The following EIF2S2 variants were observed in gnomAD, a reference collection of about 807,000 sequenced individuals.
EIF2S2 encodes eukaryotic translation initiation factor 2 subunit beta, also known as eukaryotic translation initiation factor 2 subunit 2.
In EIF2S2, 4 loss-of-function variants were observed where a neutral mutation model predicts 44.0. That is an observed-to-expected ratio of 0.09 (90% CI 0.04 to 0.21). The LOEUF is 0.21. EIF2S2 is among the 10% of genes least tolerant of loss of function. EIF2S2 has a pLI of 1.00. For missense variants in EIF2S2, 154 were observed against 392.0 expected (o/e 0.39, Z 5.13); for synonymous variants, 108 against 128.3 (o/e 0.84, Z 1.07).
chr20:34,097,350 T>G, intron 5 of EIF2S2, 66 bp downstream of exon 5: 1 of 1,363,876 alleles, frequency 7.3e-7, no homozygotes, highest in African/African-American at 1.4e-5. Flanking sequence ...CCAATAAGAT[T>G]TATCTTGCTC....
chr20:34,109,622 C>T lies in EIF2S2; in HGVS notation c.15+2474G>A, dbSNP rs965968281. Among the ~76,000 whole-genome samples, 24 of 151,718 alleles carry T rather than the reference C, an allele frequency of 1.6e-4. No homozygotes were observed. In the East Asian group the frequency reaches 2.7e-3, roughly 17 times the overall value. On this transcript the variant is annotated intron_variant, in intron 1 of 8. Transcript: ENST00000374980. ...CCACAGTGAGCTATGATTGTGCCAC[C>T]GCACTCCAGCCTGGGAAACAAGAGC...
In EIF2S2 at chr20:34,098,538, A is replaced by G; in HGVS notation, c.393T>C (p.Val131=). The G allele has an allele frequency of 6.2e-7, 1 of 1,613,994 alleles. No individual in the cohort carries two copies. The highest frequency in any genetic ancestry group is 1.3e-5 in the African/African-American group (1 of 75,050). ...GTATTTCATCCTCATCTGGGAACTT[A>G]ACATTCTTCTTTTTCTTCTTTTTAT... The part of the protein sequence containing the change: ...LGNKKKKKKN[V]KFPDEDEILE... The change falls in exon 4 of 9, where the codon GTT becomes GTC. Residue 131 remains valine, a synonymous_variant. Coordinates refer to ENST00000374980, the MANE Select transcript of EIF2S2 (RefSeq NM_003908.5).
intron 7 of EIF2S2, among the ~76,000 whole-genome samples, chr20:34,093,180 G>A (rs1053662368): frequency 6.6e-6 from 1 of 152,172 alleles, no homozygotes; most frequent in African/African-American, 2.4e-5. Context: ...TGGCCTTCCT[G>A]AATGGGAATG....
At chr20:34,110,636 C>G (rs2034402147) in intron 1 of EIF2S2, among the ~76,000 whole-genome samples, 1 of 152,192 alleles carries the variant, frequency 6.6e-6, no homozygotes, top group Admixed American at 6.5e-5. Context: ...AAAGCCTAAT[C>G]CCACTGATCC....
In EIF2S2 at chr20:34,096,659, T is replaced by C. The variant is rs375251283; in HGVS notation, c.681A>G (p.Lys227=). ...TSFVNFTDIC[K]LLHRQPKHLL... ...AGGTACTCCATTAACCAACTTACAGTTTACAGATATCTGTAAAGTTGACAA... is the reference window on the plus strand; with the variant it reads ...AGGTACTCCATTAACCAACTTACAGCTTACAGATATCTGTAAAGTTGACAA... Residue 227 remains lysine, a splice_region_variant and synonymous_variant, in exon 6 of 9, where the codon AAA becomes AAG. Transcript: ENST00000374980. The C allele has an allele frequency of 1.9e-6, 3 of 1,596,704 alleles. No homozygotes were observed. In the African/African-American group the frequency reaches 4.1e-5, roughly 22 times the overall value.
At position 34,112,166 on chromosome 20, in the gene EIF2S2, GC is replaced by G; in HGVS notation, c.-57del. 4.7e-6 allele frequency: 7 copies of G among 1,499,306 alleles called. No homozygotes were observed. Among genetic ancestry groups the G allele is most frequent in the South Asian group, 1.3e-5 (1 of 79,838 alleles). 92.9% of individuals were successfully genotyped at this position (1,499,306 alleles called of 1,614,324 possible). Reference sequence around the variant, plus strand: ...GGGAAGTCAGACGGGTCAGCCCCAGGCCCCGGCGGCAGCGCTGCCCCTGCCG... The same window carrying G: ...GGGAAGTCAGACGGGTCAGCCCCAGGCCCGGCGGCAGCGCTGCCCCTGCCG... On this transcript the variant is annotated 5_prime_UTR_variant, in exon 1 of 9. Transcript: ENST00000374980.
In EIF2S2 at chr20:34,098,601, T is replaced by C. The variant is rs377670413; in HGVS notation, c.330A>G (p.Pro110=). Residue 110 remains proline (P), a synonymous_variant, in exon 4 of 9, where the codon CCA becomes CCG. Coordinates refer to ENST00000374980, the MANE Select transcript of EIF2S2 (RefSeq NM_003908.5). ...DLKIESDVQE[P]TEPEDDLDIM... ...TGTCAAGGTCATCCTCTGGTTCAGT[T>C]GGTTCTTGAACATCACTTTCAATCT... The C allele has an allele frequency of 9.9e-6, 16 of 1,613,890 alleles. No individual in the cohort carries two copies. In the African/African-American group the frequency reaches 1.1e-4, roughly 11 times the overall value.
chr20:34,097,562 A>G, intron 4 of EIF2S2, 46 bp from the exon 5 acceptor site: 3 of 1,502,630 alleles, frequency 2.0e-6, no homozygotes, highest in Non-Finnish European at 2.7e-6. Flanking sequence ...GCCCTACTAC[A>G]ATACAAAAGT....
At chr20:34,092,361 CGAT>C (rs1219372903) in intron 7 of EIF2S2, among the ~76,000 whole-genome samples, 4 of 152,158 alleles carry the variant, frequency 2.6e-5, no homozygotes, top group African/African-American at 7.2e-5. Flanking sequence ...TTACAAATAA[CGAT>C]GGTAACAAAT....
Position 34,106,427 on chromosome 20 carries a change from C to CT in EIF2S2, c.16-883dup, listed in dbSNP as rs55646105. Among the ~76,000 whole-genome samples, 75 of 140,954 alleles carry CT rather than the reference C, an allele frequency of 5.3e-4. 1 individual carries two copies. Among genetic ancestry groups the CT allele is most frequent in the Middle Eastern group, 3.8e-3 (1 of 266 alleles). 92.5% of individuals were successfully genotyped at this position (140,954 alleles called of 152,430 possible). ...TGCTTTTTGTTTAACATTAAAGGTT[C>CT]TTTTTTTTTTTTTTTTTTAAATGAA... On this transcript the variant is annotated intron_variant, in intron 1 of 8. Coordinates refer to ENST00000374980, the MANE Select transcript of EIF2S2 (RefSeq NM_003908.5).
chr20:34,111,622 A>C (rs2122448757), intron 1 of EIF2S2, among the ~76,000 whole-genome samples: 1 of 152,318 alleles, frequency 6.6e-6, no homozygotes, highest in East Asian at 1.9e-4. Context: ...AAGGCAAACA[A>C]GGGCGGGATA....
Position 34,103,545 on chromosome 20 carries a change from C to A in EIF2S2, c.214G>T (p.Asp72Tyr). 6.4e-7 allele frequency: 1 copy of A among 1,569,072 alleles called. No individual in the cohort carries two copies. The highest frequency in any genetic ancestry group is 1.2e-5 in the South Asian group (1 of 85,376). Reference protein sequence around the residue: ...RKKDASDDLDDLNFFNQKKKK... With the variant: ...RKKDASDDLDYLNFFNQKKKK... Reference sequence around the variant, plus strand: ...TTCTTTTGATTAAAGAAGTTCAAGTCATCTAGATCATCAGAAGCATCTAAA... The same window carrying A: ...TTCTTTTGATTAAAGAAGTTCAAGTAATCTAGATCATCAGAAGCATCTAAA... Residue 72 changes from aspartate (D) to tyrosine (Y), a missense_variant, in exon 3 of 9, where the codon GAC becomes TAC. Transcript: ENST00000374980.
chr20:34,089,685 A>T lies in EIF2S2; in HGVS notation c.*45T>A. 6.3e-7 allele frequency: 1 copy of T among 1,585,246 alleles called. No individual in the cohort carries two copies. Among genetic ancestry groups the T allele is most frequent in the South Asian group, 1.1e-5 (1 of 88,194 alleles). ...ATCCACTCTGATGGCAAACCTGTCC[A>T]GCCACATCTCCACAACAAGCTTTGC... On this transcript the variant is annotated 3_prime_UTR_variant, in exon 9 of 9. Coordinates refer to ENST00000374980, the MANE Select transcript of EIF2S2 (RefSeq NM_003908.5).
chr20:34,096,545 C>T, intron 6 of EIF2S2, 112 bp downstream of exon 6: 1 of 1,115,184 alleles, frequency 9.0e-7, no homozygotes, highest in Non-Finnish European at 1.3e-6. Flanking sequence ...AACCCCTACA[C>T]CTGTGTGTTC....
chr20:34,093,054 G>A (rs2034186144), intron 7 of EIF2S2, among the ~76,000 whole-genome samples: 1 of 152,200 alleles, frequency 6.6e-6, no homozygotes, highest in African/African-American at 2.4e-5. Flanking sequence ...CACAAAAGAG[G>A]TGCTCAATAT....
At chr20:34,090,638 G>A in intron 7 of EIF2S2, 36 bp from the exon 8 acceptor site, 2 of 1,333,008 alleles carry the variant, frequency 1.5e-6, no homozygotes, top group Middle Eastern at 1.8e-4. Flanking sequence ...CATTATTATT[G>A]TTTTTTCCTA....
rs556661614 is a variant in EIF2S2, at chr20:34,092,055, TATAAATC to T, written c.741-1460_741-1454del. Among the ~76,000 whole-genome samples, 60 of 152,294 alleles carry T rather than the reference TATAAATC, an allele frequency of 3.9e-4. No individual in the cohort carries two copies. The South Asian group carries it at 5.8e-3, about 15-fold the overall frequency. ...CTAGATATTATCATTCATTCAAAAT[TATAAATC>T]ATAAAGTGAAACAACAAAATTCAGT... is the stretch of plus-strand genomic sequence containing the variant. On this transcript the variant is annotated intron_variant, in intron 7 of 8. Coordinates refer to ENST00000374980, the MANE Select transcript of EIF2S2 (RefSeq NM_003908.5).
At chr20:34,097,144 C>T (rs2034238412) in intron 5 of EIF2S2, among the ~76,000 whole-genome samples, 1 of 152,232 alleles carries the variant, frequency 6.6e-6, no homozygotes. Flanking sequence ...AGCTAATTCA[C>T]CACTGCCCTC....
chr20:34,101,707 C>G (rs1193681452), intron 3 of EIF2S2, among the ~76,000 whole-genome samples: 1 of 146,598 alleles, frequency 6.8e-6, no homozygotes, highest in South Asian at 2.2e-4. Flanking sequence ...CAGAGTCTCG[C>G]TCTGTTGCCC....
Sources: gnomAD v4.1 joint callset for allele counts (sites outside exome capture counted in the v4.1 genomes callset) on GRCh38, gnomAD v4.1.1 for gene constraint, MANE v1.5 for transcripts, NCBI Gene and HGNC (gene_info 2026-07-23, HGNC 2026-07-21) for gene names.